DUOX1: variants seen among roughly 807,000 people sequenced by gnomAD.
The protein encoded by DUOX1 is dual oxidase 1.
In DUOX1, 134 loss-of-function variants were observed where a neutral mutation model predicts 181.8. The ratio of observed to expected loss-of-function variants is 0.74; its 90% CI spans 0.64 to 0.85. The LOEUF (loss-of-function observed/expected upper bound fraction) is 0.85, where lower values mean the gene tolerates loss of function less well. Ranked by LOEUF, DUOX1 falls within the 40% of genes least tolerant of loss-of-function variation. DUOX1 has a pLI of 0.00. For missense variants in DUOX1, 1,814 were observed against 2,064.4 expected (o/e 0.88, Z 2.35); for synonymous variants, 798 against 832.5 (o/e 0.96, Z 0.71).
chr15:45,150,314 G>A (rs531652816), intron 21 of DUOX1: 6 of 296,522 alleles, frequency 2.0e-5, no homozygotes, highest in Non-Finnish European at 3.8e-5. Flanking sequence ...TTTTATGGCA[G>A]AGCAGGCTCA....
rs1043115654 is a variant in DUOX1 at position 45,155,722 on chromosome 15, A to G, written c.3575-80A>G. 6 of 1,597,918 alleles carry G rather than the reference A, an allele frequency of 3.8e-6. No individual in the cohort carries two copies. The Admixed American group carries it at 5.0e-5, about 13-fold the overall frequency. On this transcript the variant is annotated intron_variant, in intron 27 of 33. Coordinates refer to ENST00000389037, the MANE Select transcript of DUOX1 (RefSeq NM_175940.3). ...TACTCCAACTTGGGCAGTGGAGTGG[A>G]GAGGGGACCTTGGAAGCTCCAGAAC...
At chr15:45,155,954 G>C (rs761227611) in intron 28 of DUOX1, 25 bp downstream of exon 28, 9 of 1,614,010 alleles carry the variant, frequency 5.6e-6, no homozygotes, top group Admixed American at 1.7e-5. Context: ...CTGTGAGCCA[G>C]GCCAGGAGGG....
Position 45,136,574 on chromosome 15 carries a change from C to T in DUOX1, c.971C>T (p.Ala324Val), listed in dbSNP as rs752393455. The change falls in exon 9 of 34, where the codon GCG (alanine) becomes GTG (valine). Residue 324 changes from alanine (A) to valine (V), a missense_variant. Around this residue, in one of 5 missense-constraint regions of DUOX1, gnomAD observed 1,064 missense variants for 1,152.9 expected, o/e 0.92. Coordinates refer to ENST00000389037, the MANE Select transcript of DUOX1 (RefSeq NM_175940.3). ...LDPSISSEFVAASEQFLSTMV... is the reference protein window; with the variant it reads ...LDPSISSEFVVASEQFLSTMV... ...CCCAGCATCTCCTCAGAGTTCGTGG[C>T]GGCCTCTGAGCAGTTCCTGTCCACC... 28 of 1,614,004 alleles carry T rather than the reference C, an allele frequency of 1.7e-5. No homozygotes were observed. In the African/African-American group the frequency reaches 2.5e-4, roughly 15 times the overall value.
intron 18 of DUOX1, among the ~76,000 whole-genome samples, chr15:45,146,661 A>T (rs995560205): frequency 6.6e-6 from 1 of 152,250 alleles, no homozygotes; most frequent in African/African-American, 2.4e-5. Context: ...GAGTTGGGAC[A>T]TGAACCCAGG....
chr15:45,162,001 C>A (rs758810818), intron 30 of DUOX1, 31 bp downstream of exon 30: 1 of 1,572,162 alleles, frequency 6.4e-7, no homozygotes, highest in Non-Finnish European at 8.7e-7. Flanking sequence ...ATGCCACATG[C>A]GCCCATATCC....
At chr15:45,151,091 C>T (rs1170861318) in intron 22 of DUOX1, 32 bp from the exon 23 acceptor site, 1 of 1,612,160 alleles carries the variant, frequency 6.2e-7, no homozygotes, top group African/African-American at 1.3e-5. Context: ...TTGAGATGGC[C>T]AGCATCCTAT....
At chr15:45,137,073 A>C (rs376967169) in intron 9 of DUOX1, among the ~76,000 whole-genome samples, 2 of 151,676 alleles carry the variant, frequency 1.3e-5, no homozygotes, top group East Asian at 1.9e-4. Context: ...ATAGGCCGGG[A>C]GCAGTGGCTC....
intron 31 of DUOX1, 140 bp from the exon 32 acceptor site, chr15:45,163,392 C>T (rs937777003): frequency 1.6e-6 from 2 of 1,263,368 alleles, no homozygotes; most frequent in Admixed American, 4.6e-5. Context: ...GCCCCGTGGC[C>T]CATACACTCC....
chr15:45,139,437 T>G lies in DUOX1; in HGVS notation c.1227T>G (p.Pro409=). 1 of 1,612,750 alleles carries G rather than the reference T, an allele frequency of 6.2e-7. No homozygotes were observed. Among genetic ancestry groups the G allele is most frequent in the Non-Finnish European group, 8.5e-7 (1 of 1,179,626 alleles). Reference sequence around the variant, plus strand: ...GTATCTTGTCTCCAGATTTCTGGCCTGGGCCACTGAAGTTTTCCCGCACAG... The same window carrying G: ...GTATCTTGTCTCCAGATTTCTGGCCGGGGCCACTGAAGTTTTCCCGCACAG... The part of the protein sequence containing the change: ...VLVEDVRDFW[P]GPLKFSRTDH... The change falls in exon 12 of 34, where the codon CCT becomes CCG. Residue 409 remains proline, a synonymous_variant. Coordinates refer to ENST00000389037, the MANE Select transcript of DUOX1 (RefSeq NM_175940.3).
intron 7 of DUOX1, 83 bp downstream of exon 7, chr15:45,136,031 T>C: frequency 7.4e-7 from 1 of 1,353,542 alleles, no homozygotes. Flanking sequence ...GCTCCCCATC[T>C]GTGGACAACC....
intron 20 of DUOX1, 77 bp from the exon 21 acceptor site, chr15:45,148,195 G>A: frequency 6.3e-7 from 1 of 1,597,844 alleles, no homozygotes; most frequent in Non-Finnish European, 8.5e-7. Context: ...AGAACTTGGT[G>A]CGATGGAGTC....
In DUOX1 at chr15:45,152,317, C is replaced by T. The variant is rs1466987102; in HGVS notation, c.3225C>T (p.Ile1075=). The T allele has an allele frequency of 1.2e-6, 2 of 1,614,166 alleles. No homozygotes were observed. Among genetic ancestry groups the T allele is most frequent in the Non-Finnish European group, 8.5e-7 (1 of 1,180,008 alleles). The change falls in exon 25 of 34, where the codon ATC becomes ATT. Residue 1075 remains isoleucine (I), a synonymous_variant. Transcript: ENST00000389037. ...CCTTTGCCGCACATCACACGGGCATCACAGACACCACCCGCGTGGGAATCA... is the reference window on the plus strand; with the variant it reads ...CCTTTGCCGCACATCACACGGGCATTACAGACACCACCCGCGTGGGAATCA... ...YYAFAAHHTG[I]TDTTRVGIIL...
At chr15:45,152,187 G>C in intron 24 of DUOX1, 99 bp from the exon 25 acceptor site, 1 of 1,467,254 alleles carries the variant, frequency 6.8e-7, no homozygotes, top group South Asian at 1.3e-5. Context: ...GTGCGGGGGA[G>C]GCCTGTTGTG....
intron 26 of DUOX1, 119 bp downstream of exon 26, chr15:45,153,598 G>A (rs544174327): frequency 1.8e-6 from 2 of 1,090,188 alleles, no homozygotes; most frequent in East Asian, 2.4e-5. Flanking sequence ...GGCTCCAGAG[G>A]AGACTGTCAC....
At position 45,152,056 on chromosome 15, in the gene DUOX1, A is replaced by T. The variant is rs770649760; in HGVS notation, c.3193+4A>T. On this transcript the variant is annotated splice_donor_region_variant and intron_variant, in intron 24 of 33. Coordinates refer to ENST00000389037, the MANE Select transcript of DUOX1 (RefSeq NM_175940.3). Reference sequence around the variant, plus strand: ...CTTTTCCTGGAGAGGGCCTACTGTGAGTGACTTTACTTACCACGAGCCCTG... The same window carrying T: ...CTTTTCCTGGAGAGGGCCTACTGTGTGTGACTTTACTTACCACGAGCCCTG... 6.2e-7 allele frequency: 1 copy of T among 1,612,808 alleles called. No individual in the cohort carries two copies. Among genetic ancestry groups the T allele is most frequent in the Non-Finnish European group, 8.5e-7 (1 of 1,179,182 alleles).
chr15:45,157,073 C>G (rs1039615214), intron 28 of DUOX1, among the ~76,000 whole-genome samples: 1 of 152,230 alleles, frequency 6.6e-6, no homozygotes, highest in African/African-American at 2.4e-5. Context: ...ACCATGGCCT[C>G]GGTCAGGTTG....
At position 45,144,208 on chromosome 15, in the gene DUOX1, G is replaced by C. The variant is rs748223276; in HGVS notation, c.2109G>C (p.Leu703=). 2 of 1,614,078 alleles carry C rather than the reference G, an allele frequency of 1.2e-6. No individual in the cohort carries two copies. The highest frequency in any genetic ancestry group is 1.7e-6 in the Non-Finnish European group (2 of 1,180,058). The part of the protein sequence containing the change: ...LSSNRGRRTL[L]LKIPKEYDLV... ...GCAACCGTGGACGCCGCACTCTGCTGCTCAAGATCCCCAAGGAGTATGACC... is the reference window on the plus strand; with the variant it reads ...GCAACCGTGGACGCCGCACTCTGCTCCTCAAGATCCCCAAGGAGTATGACC... Residue 703 remains leucine, a synonymous_variant, in exon 17 of 34, where the codon CTG becomes CTC. Coordinates refer to ENST00000389037, the MANE Select transcript of DUOX1 (RefSeq NM_175940.3).
At chr15:45,147,342 C>T (rs1896679966) in intron 18 of DUOX1, 91 bp from the exon 19 acceptor site, 3 of 1,506,194 alleles carry the variant, frequency 2.0e-6, no homozygotes, top group Non-Finnish European at 2.7e-6. Context: ...TGGGCAGACA[C>T]CTCAAAAGGT....
Position 45,153,389 on chromosome 15 carries a change from G to A in DUOX1, c.3434G>A (p.Ser1145Asn). 1 of 1,614,014 alleles carries A rather than the reference G, an allele frequency of 6.2e-7. No individual in the cohort carries two copies. ...GTCTGCTCTTCCTTAGTCTTACACAGTGTGGGCCATGTGGTGAATGTGTAC... is the reference window on the plus strand; with the variant it reads ...GTCTGCTCTTCCTTAGTCTTACACAATGTGGGCCATGTGGTGAATGTGTAC... ...STAIVLTVLHSVGHVVNVYLF... is the reference protein window; with the variant it reads ...STAIVLTVLHNVGHVVNVYLF... Residue 1145 changes from serine (S) to asparagine (N), a missense_variant, in exon 26 of 34, where the codon AGT becomes AAT. Ser to Asn is a conservative substitution (Grantham distance 46). Transcript: ENST00000389037.
Sources: allele counts gnomAD v4.1 joint callset (sites outside exome capture counted in the v4.1 genomes callset), GRCh38; gene constraint gnomAD v4.1.1; regional missense constraint gnomAD v4.1.1; transcripts MANE v1.5; gene names NCBI Gene and HGNC (gene_info 2026-07-23, HGNC 2026-07-21).